SYNE1: variants seen among roughly 807,000 people sequenced by gnomAD.
SYNE1 encodes spectrin repeat containing nuclear envelope protein 1.
Under a neutral mutation model 1,111.0 loss-of-function variants are expected in SYNE1, and 616 were observed. That is an observed-to-expected ratio of 0.55 (90% confidence interval 0.52 to 0.59). The LOEUF (loss-of-function observed/expected upper bound fraction) is 0.59. SYNE1 is among the 20% of genes least tolerant of loss of function. The probability of loss-of-function intolerance (pLI) is 0.00; values close to 1 mark genes in which losing one functional copy is unlikely to be tolerated. For synonymous variants in SYNE1, 3,855 were observed against 3,825.8 expected, an observed-to-expected ratio of 1.01 and a Z score of -0.28; for missense variants, 10,006 against 10,417.0, an observed-to-expected ratio of 0.96 and a Z score of 1.72.
chr6:152,224,530 G>A lies in SYNE1; in HGVS notation c.21486C>T (p.Ser7162=), dbSNP rs139078338. 2,299 of 1,614,040 alleles carry A rather than the reference G, an allele frequency of 1.4e-3. 4 individuals are homozygous for A. The highest frequency in any genetic ancestry group is 1.8e-3 in the Non-Finnish European group (2,160 of 1,179,958). The stretch of plus-strand genomic sequence containing the variant: ...CCACCTGAACTTGCACAGCTTCTAA[G>A]GAGCCAGTCAGCAGACGGAATCGGG... ...SLSRFRLLTG[S]LEAVQVQVDN... Residue 7162 remains serine, a synonymous_variant, in exon 117 of 146, where the codon TCC becomes TCT. Transcript: ENST00000367255.
intron 128 of SYNE1, 92 bp downstream of exon 128, chr6:152,189,160 C>T (rs776830007): frequency 3.6e-5 from 48 of 1,341,050 alleles, no homozygotes; most frequent in African/African-American, 1.3e-4. Context: ...AATTATGGGC[C>T]GGGTCCACAT....
At chr6:152,153,450 C>T (rs995093234) in intron 133 of SYNE1, among the ~76,000 whole-genome samples, 8 of 152,160 alleles carry the variant, frequency 5.3e-5, no homozygotes, top group African/African-American at 1.9e-4. Flanking sequence ...AGAAAATTAA[C>T]TACAAAATTC....
intron 3 of SYNE1, among the ~76,000 whole-genome samples, chr6:152,580,480 A>T (rs1306115091): frequency 6.6e-6 from 1 of 152,132 alleles, no homozygotes; most frequent in Non-Finnish European, 1.5e-5. Context: ...TACTCAGTTG[A>T]CAGTGTCTTT....
intron 106 of SYNE1, among the ~76,000 whole-genome samples, chr6:152,242,852 G>A (rs2086077230): frequency 6.6e-6 from 1 of 151,720 alleles, no homozygotes; most frequent in Non-Finnish European, 1.5e-5. Flanking sequence ...GTCACTGAAA[G>A]GATAAAATAA....
intron 91 of SYNE1, among the ~76,000 whole-genome samples, chr6:152,305,218 A>T (rs2095333411): frequency 6.6e-6 from 1 of 152,218 alleles, no homozygotes; most frequent in African/African-American, 2.4e-5. Flanking sequence ...ATGATTTAAA[A>T]GTGGCAGGAT....
intron 3 of SYNE1, among the ~76,000 whole-genome samples, chr6:152,542,927 C>T (rs1442032811): frequency 2.6e-5 from 4 of 152,002 alleles, no homozygotes; most frequent in Admixed American, 6.6e-5. Context: ...TTACACTCAA[C>T]TTGAGATTAT....
chr6:152,245,544 TC>T (rs1459601611), intron 105 of SYNE1, among the ~76,000 whole-genome samples: 2 of 152,186 alleles, frequency 1.3e-5, no homozygotes, highest in Non-Finnish European at 2.9e-5. Context: ...GTTTGCTTGT[TC>T]TCTGGCATAT....
chr6:152,230,671 C>A lies in SYNE1; in HGVS notation c.21071G>T (p.Trp7024Leu), dbSNP rs933234832. ...IQLLEGLLESWSEYENNVQCL... is the reference protein window; with the variant it reads ...IQLLEGLLESLSEYENNVQCL... ...TTGTACATTATTTTCATATTCTGAC[C>A]AAGATTCCAATAAGCCTTCCAACAG... The change falls in exon 115 of 146, where the codon TGG (tryptophan) becomes TTG (leucine). Residue 7024 changes from tryptophan to leucine, a missense_variant. This residue lies in a region of SYNE1 where 2,182 missense variants were observed against 2,287.8 expected (regional missense o/e 0.95). Transcript: ENST00000367255. 3 of 1,613,804 alleles carry A rather than the reference C, an allele frequency of 1.9e-6. No individual in the cohort carries two copies. The African/African-American group carries it at 4.0e-5, about 22-fold the overall frequency.
In SYNE1 at chr6:152,229,051, C is replaced by T. The variant is rs539139335; in HGVS notation, c.21195+1496G>A. Among the ~76,000 whole-genome samples, 48 of 152,274 alleles carry T rather than the reference C, an allele frequency of 3.2e-4. 1 individual carries two copies. The South Asian group carries it at 9.5e-3, about 30-fold the overall frequency. On this transcript the variant is annotated intron_variant, in intron 115 of 145. Coordinates refer to ENST00000367255, the MANE Select transcript of SYNE1 (RefSeq NM_182961.4). ...CCAGCACTTCTCTTCCTTTTCAGAA[C>T]CGAAAAGCTTTGATTAAGTGCTTAA...
intron 93 of SYNE1, among the ~76,000 whole-genome samples, chr6:152,297,548 ACAGGCAGGCCT>A (rs1161195088): frequency 5.9e-5 from 9 of 152,338 alleles, no homozygotes; most frequent in African/African-American, 2.2e-4. Flanking sequence ...TTGGCAAATA[ACAGGCAGGCCT>A]ATATGTTCAT....
chr6:152,336,520 T>C (rs1183415074), intron 76 of SYNE1: 3 of 390,594 alleles, frequency 7.7e-6, no homozygotes, highest in Non-Finnish European at 1.5e-5. Context: ...ATAAGGAGCA[T>C]GCAACCTAGA....
chr6:152,377,408 G>A (rs1483997527), intron 56 of SYNE1, among the ~76,000 whole-genome samples: 1 of 150,856 alleles, frequency 6.6e-6, no homozygotes, highest in African/African-American at 2.4e-5. Context: ...TCAGGAGTTC[G>A]AGACCAGCCT....
intron 11 of SYNE1, among the ~76,000 whole-genome samples, chr6:152,496,302 C>A (rs180862283): frequency 1.3e-5 from 2 of 152,102 alleles, no homozygotes; most frequent in African/African-American, 4.8e-5. Flanking sequence ...TTGTTTTTAC[C>A]CAAATCAATC....
intron 115 of SYNE1, among the ~76,000 whole-genome samples, chr6:152,229,401 T>C (rs1265946251): frequency 6.6e-6 from 1 of 152,136 alleles, no homozygotes; most frequent in African/African-American, 2.4e-5. Context: ...TGGAAAACAT[T>C]TGGAACGTTA....
chr6:152,132,503 A>G (rs1381051350), intron 143 of SYNE1, among the ~76,000 whole-genome samples: 1 of 152,202 alleles, frequency 6.6e-6, no homozygotes, highest in African/African-American at 2.4e-5. Context: ...AGACATGGAT[A>G]TGAATGAATT....
chr6:152,328,803 T>C (rs1172403996), intron 78 of SYNE1, among the ~76,000 whole-genome samples: 1 of 152,190 alleles, frequency 6.6e-6, no homozygotes, highest in Non-Finnish European at 1.5e-5. Flanking sequence ...CTCCCATTTC[T>C]TTTTGTTATC....
At chr6:152,152,202 C>A in intron 133 of SYNE1, 61 bp from the exon 134 acceptor site, 1 of 1,476,224 alleles carries the variant, frequency 6.8e-7, no homozygotes, top group Non-Finnish European at 9.4e-7. Context: ...AGTAGTGGCT[C>A]CTGGTTTTCT....
In SYNE1 at chr6:152,428,256, C is replaced by T. The variant is rs1442191368; in HGVS notation, c.4925G>A (p.Arg1642Lys). The change falls in exon 37 of 146, where the codon AGG becomes AAG. Residue 1642 changes from arginine to lysine, a missense_variant. By Grantham distance (26) the Arg-to-Lys change is conservative. Coordinates refer to ENST00000367255, the MANE Select transcript of SYNE1 (RefSeq NM_182961.4). Reference sequence around the variant, plus strand: ...CAGCGCCGTCTGTCTCTCCTTCGCCCTCCTTAGGATGTCCTCGTATTGCTG... The same window carrying T: ...CAGCGCCGTCTGTCTCTCCTTCGCCTTCCTTAGGATGTCCTCGTATTGCTG... ...LQQQYEDILR[R>K]AKERQTALEN... 1.2e-6 allele frequency: 2 copies of T among 1,613,962 alleles called. No individual in the cohort carries two copies. The highest frequency in any genetic ancestry group is 1.7e-6 in the Non-Finnish European group (2 of 1,180,030).
Position 152,435,972 on chromosome 6 carries a change from C to T in SYNE1, c.4279G>A (p.Val1427Ile). The T allele has an allele frequency of 1.2e-6, 2 of 1,614,100 alleles. No individual in the cohort carries two copies. The highest frequency in any genetic ancestry group is 2.2e-5 in the South Asian group (2 of 91,074). ...QQQAKSIKEQVKKLEDTLEED... is the reference protein window; with the variant it reads ...QQQAKSIKEQIKKLEDTLEED... The stretch of plus-strand genomic sequence containing the variant: ...TCAAGCGTGTCTTCTAATTTTTTGA[C>T]TTGTTCTTTGATTGACTTGGCCTGC... Residue 1427 changes from valine (V) to isoleucine (I), a missense_variant, in exon 33 of 146, where the codon GTC (valine) becomes ATC (isoleucine). Val to Ile is a conservative substitution (Grantham distance 29). This residue lies in a region of SYNE1 where 1,971 missense variants were observed against 2,084.1 expected (regional missense o/e 0.95). Coordinates refer to ENST00000367255, the MANE Select transcript of SYNE1 (RefSeq NM_182961.4).
Sources: gnomAD v4.1 joint callset for allele counts (sites outside exome capture counted in the v4.1 genomes callset) on GRCh38, gnomAD v4.1.1 for gene constraint, gnomAD v4.1.1 regional missense constraint, MANE v1.5 for transcripts, NCBI Gene and HGNC (gene_info 2026-07-23, HGNC 2026-07-21) for gene names.